Variants in JAKMIP2 observed in about 807,000 individuals in gnomAD.
JAKMIP2 encodes janus kinase and microtubule interacting protein 2.
A neutral mutation model predicts 115.0 loss-of-function variants in JAKMIP2; 25 were observed. That is an observed-to-expected ratio of 0.22 (90% CI 0.16 to 0.30). JAKMIP2 has a LOEUF of 0.30. JAKMIP2 is among the 10% of genes least tolerant of loss of function. The pLI is 1.00. For missense variants in JAKMIP2, 642 were observed against 957.6 expected (o/e 0.67, Z 4.35); for synonymous variants, 334 against 343.6 (o/e 0.97, Z 0.31).
intron 1 of JAKMIP2, among the ~76,000 whole-genome samples, chr5:147,712,444 T>C (rs1580818341): frequency 6.6e-6 from 1 of 152,186 alleles, no homozygotes; most frequent in East Asian, 1.9e-4. Flanking sequence ...TTTGTAAAAT[T>C]TATTTTGGTG....
intron 1 of JAKMIP2, among the ~76,000 whole-genome samples, chr5:147,691,082 G>T (rs1751822941): frequency 6.6e-6 from 1 of 152,102 alleles, no homozygotes; most frequent in African/African-American, 2.4e-5. Context: ...CTAGCAGATA[G>T]GGAGGTTGGT....
At chr5:147,622,643 C>T (rs1756906293) in intron 17 of JAKMIP2, among the ~76,000 whole-genome samples, 1 of 152,210 alleles carries the variant, frequency 6.6e-6, no homozygotes, top group Non-Finnish European at 1.5e-5. Context: ...TTTTGTTTAT[C>T]TGTTCATCCA....
chr5:147,681,952 A>T (rs1286432930), intron 1 of JAKMIP2, among the ~76,000 whole-genome samples: 1 of 151,848 alleles, frequency 6.6e-6, no homozygotes, highest in Non-Finnish European at 1.5e-5. Context: ...CTGAGGTGAG[A>T]TCACTTGAAC....
At chr5:147,750,871 G>A (rs1240693298) in intron 1 of JAKMIP2, among the ~76,000 whole-genome samples, 5 of 152,022 alleles carry the variant, frequency 3.3e-5, no homozygotes, top group African/African-American at 1.2e-4. Flanking sequence ...GGCCTCACCA[G>A]AAACCAACCC....
rs1581324514 is a variant in JAKMIP2, at chr5:147,632,737, T to C, written c.1719A>G (p.Glu573=). The change falls in exon 13 of 22, where the codon GAA becomes GAG. Residue 573 remains glutamate, a synonymous_variant. Transcript: ENST00000616793. The part of the protein sequence containing the change: ...QEAENHRLQQ[E]LQDARDQNEL... ...CATTCTGGTCTCTGGCGTCCTGTAG[T>C]TCTTGTTGTAACCGGTGATTTTCTG... 1 of 1,613,614 alleles carries C rather than the reference T, an allele frequency of 6.2e-7. No homozygotes were observed.
At chr5:147,624,764 T>C (rs1757016844) in intron 16 of JAKMIP2, among the ~76,000 whole-genome samples, 2 of 152,160 alleles carry the variant, frequency 1.3e-5, no homozygotes, top group South Asian at 4.1e-4. Flanking sequence ...AAGTGGGTTC[T>C]GAAGACAGAC....
At chr5:147,671,026 T>C (rs1759556153) in intron 2 of JAKMIP2, among the ~76,000 whole-genome samples, 1 of 152,188 alleles carries the variant, frequency 6.6e-6, no homozygotes, top group Non-Finnish European at 1.5e-5. Flanking sequence ...GGTCAGATGC[T>C]TGATGGTTGA....
At chr5:147,720,396 G>T (rs1753219614) in intron 1 of JAKMIP2, among the ~76,000 whole-genome samples, 1 of 148,994 alleles carries the variant, frequency 6.7e-6, no homozygotes, top group South Asian at 2.2e-4. Context: ...ACGTTGGCCT[G>T]CCTTGCTAGA....
At chr5:147,680,260 T>TA (rs1354130937) in intron 1 of JAKMIP2, among the ~76,000 whole-genome samples, 1 of 152,186 alleles carries the variant, frequency 6.6e-6, no homozygotes, top group Non-Finnish European at 1.5e-5. Flanking sequence ...CTATTTGTGT[T>TA]AAAAGGACAG....
At chr5:147,717,198 G>T (rs1753039817) in intron 1 of JAKMIP2, among the ~76,000 whole-genome samples, 1 of 46,954 alleles carries the variant, frequency 2.1e-5, no homozygotes, top group African/African-American at 8.9e-5. Context: ...CTGTTCCATT[G>T]ATCTATATCT....
chr5:147,617,166 C>A (rs1756628062), intron 19 of JAKMIP2, among the ~76,000 whole-genome samples: 1 of 152,076 alleles, frequency 6.6e-6, no homozygotes, highest in African/African-American at 2.4e-5. Context: ...TAGTGGGTGC[C>A]TATTTTGGAC....
chr5:147,599,503 T>C (rs372087253), intron 21 of JAKMIP2, among the ~76,000 whole-genome samples: 1 of 152,234 alleles, frequency 6.6e-6, no homozygotes, highest in Non-Finnish European at 1.5e-5. Flanking sequence ...ATTATCATTA[T>C]AGTCATTCAC....
intron 1 of JAKMIP2, among the ~76,000 whole-genome samples, chr5:147,759,790 G>A (rs949695670): frequency 2.6e-5 from 4 of 152,090 alleles, no homozygotes; most frequent in Admixed American, 6.6e-5. Flanking sequence ...AAGTCAATTC[G>A]TAGGATTTGG....
rs374511717 is a variant in JAKMIP2 at position 147,591,802 on chromosome 5, G to A, written c.*21-116C>T. Reference sequence around the variant, plus strand: ...TTATTCTTTACCACTGCTTTGATGTGTATGATCTTATGCAAGTTACATCTC... The same window carrying A: ...TTATTCTTTACCACTGCTTTGATGTATATGATCTTATGCAAGTTACATCTC... On this transcript the variant is annotated intron_variant, in intron 21 of 21. Coordinates refer to ENST00000616793, the MANE Select transcript of JAKMIP2 (RefSeq NM_001270941.2). 1.6e-4 allele frequency: 103 copies of A among 630,076 alleles called. 3 individuals carry two copies. In the South Asian group the frequency reaches 2.0e-3, roughly 12 times the overall value. The allele number at this position is 630,076 out of a possible 1,614,324, so 39.0% of individuals were successfully genotyped here.
chr5:147,732,425 T>C (rs549132733), intron 1 of JAKMIP2, among the ~76,000 whole-genome samples: 150 of 152,346 alleles, frequency 9.8e-4, no homozygotes, highest in Middle Eastern at 3.4e-3. Flanking sequence ...CATGCGTTTG[T>C]GGAGCTGCCA....
intron 2 of JAKMIP2, among the ~76,000 whole-genome samples, chr5:147,665,004 CAT>C (rs1262479756): frequency 2.0e-5 from 3 of 152,256 alleles, no homozygotes; most frequent in East Asian, 1.9e-4. Context: ...AAAACCCTAA[CAT>C]ATAAGAATTC....
intron 1 of JAKMIP2, among the ~76,000 whole-genome samples, chr5:147,779,147 A>G (rs1376477431): frequency 1.3e-5 from 2 of 152,178 alleles, no homozygotes; most frequent in Non-Finnish European, 2.9e-5. Flanking sequence ...AATATTGCCT[A>G]AGTCATCCTG....
intron 11 of JAKMIP2, 23 bp from the exon 12 acceptor site, chr5:147,636,307 C>A (rs758100794): frequency 6.2e-7 from 1 of 1,606,314 alleles, no homozygotes. Context: ...GAATATCGCG[C>A]AGTCAGCATT....
chr5:147,709,471 G>A (rs1752700543), intron 1 of JAKMIP2, among the ~76,000 whole-genome samples: 1 of 152,096 alleles, frequency 6.6e-6, no homozygotes, highest in Admixed American at 6.6e-5. Context: ...TACAGTATAT[G>A]TTTTAAGATA....
Sources: allele counts gnomAD v4.1 joint callset (sites outside exome capture counted in the v4.1 genomes callset), GRCh38; gene constraint gnomAD v4.1.1; transcripts MANE v1.5; gene names NCBI Gene and HGNC (gene_info 2026-07-23, HGNC 2026-07-21).